RBM47: variants seen among roughly 807,000 people sequenced by gnomAD.
RBM47 encodes RNA-binding protein 47.
RBM47 carries 21 observed loss-of-function variants against 47.1 expected under a neutral mutation model. That is an observed-to-expected ratio of 0.45 (90% CI 0.32 to 0.64). The LOEUF is 0.64. Among genes scored for constraint, RBM47 ranks in the 30% least tolerant of loss-of-function variants. The pLI, the probability that RBM47 is intolerant of heterozygous loss-of-function variation, is 0.05. For missense variants in RBM47, 708 were observed against 870.9 expected (o/e 0.81, Z 2.35); for synonymous variants, 375 against 361.7 (o/e 1.04, Z -0.42).
intron 2 of RBM47, among the ~76,000 whole-genome samples, chr4:40,507,616 G>A (rs959977154): frequency 1.3e-5 from 2 of 151,986 alleles, no homozygotes; most frequent in African/African-American, 2.4e-5. Context: ...GTGAAACCCC[G>A]TCTCTACTAA....
At chr4:40,612,554 T>A (rs1234255956) in intron 1 of RBM47, among the ~76,000 whole-genome samples, 1 of 152,200 alleles carries the variant, frequency 6.6e-6, no homozygotes, top group Non-Finnish European at 1.5e-5. Context: ...ATTCTAAGAA[T>A]GACTTTGTCT....
intron 1 of RBM47, among the ~76,000 whole-genome samples, chr4:40,562,507 C>G (rs1237111445): frequency 6.7e-6 from 1 of 150,096 alleles, no homozygotes; most frequent in Non-Finnish European, 1.5e-5. Flanking sequence ...CTTGTGTCAC[C>G]CAGGCTAGAG....
intron 1 of RBM47, among the ~76,000 whole-genome samples, chr4:40,604,808 C>T (rs375460508): frequency 3.9e-5 from 6 of 152,068 alleles, no homozygotes; most frequent in African/African-American, 7.2e-5. Flanking sequence ...CCTCTGCCTC[C>T]GGGGTTCAAG....
chr4:40,577,969 G>A lies in RBM47; in HGVS notation c.-239-33463C>T, dbSNP rs547545693. Among the ~76,000 whole-genome samples the A allele has an allele frequency of 4.4e-3, 662 of 152,178 alleles. 3 individuals carry two copies. Among genetic ancestry groups the A allele is most frequent in the Middle Eastern group, 6.8e-3 (2 of 294 alleles). On this transcript the variant is annotated intron_variant, in intron 1 of 6. Coordinates refer to ENST00000295971, the MANE Select transcript of RBM47 (RefSeq NM_001098634.2). ...AAGGCCAGCCTAGACAACACAGCAA[G>A]ACCTCTTCTCTTAAAAAAAGAAAAA...
intron 6 of RBM47, chr4:40,427,015 T>C (rs1261239012): frequency 2.0e-5 from 3 of 152,138 alleles, no homozygotes; most frequent in Admixed American, 2.0e-4. Context: ...CCTCAACTCA[T>C]ACTTAACTGA....
chr4:40,432,847 A>G lies in RBM47; in HGVS notation c.1346T>C (p.Ile449Thr), dbSNP rs376009614. The G allele has an allele frequency of 1.3e-4, 214 of 1,613,050 alleles. No individual in the cohort carries two copies. Among genetic ancestry groups the G allele is most frequent in the Middle Eastern group, 3.3e-4 (2 of 6,068 alleles). Residue 449 changes from isoleucine (I) to threonine (T), a missense_variant, in exon 6 of 7, where the codon ATT becomes ACT. Transcript: ENST00000295971. ...TGGAAACATGGAATACTGAGCCCCAATGGCAGGGATGGCTACTGCAAGAGA... is the reference window on the plus strand; with the variant it reads ...TGGAAACATGGAATACTGAGCCCCAGTGGCAGGGATGGCTACTGCAAGAGA... The part of the protein sequence containing the change: ...IKPGTVAIPA[I>T]GAQYSMFPAA...
intron 6 of RBM47, chr4:40,426,758 T>C (rs1195391378): frequency 4.6e-5 from 7 of 152,396 alleles, no homozygotes; most frequent in Non-Finnish European, 1.0e-4. Flanking sequence ...TTTATTGTTG[T>C]ATTGTTATTT....
chr4:40,505,987 C>A (rs278953), intron 2 of RBM47, among the ~76,000 whole-genome samples: 124,295 of 152,154 alleles, frequency 0.82, 51,378 homozygotes, highest in African/African-American at 0.93. Context: ...GTCAATCTTC[C>A]TTGGGGGTTG....
chr4:40,428,805 A>G (rs1715451375), intron 6 of RBM47, among the ~76,000 whole-genome samples: 1 of 152,176 alleles, frequency 6.6e-6, no homozygotes, highest in South Asian at 2.1e-4. Context: ...ATAAGGACAA[A>G]GCATGCAGAG....
intron 1 of RBM47, among the ~76,000 whole-genome samples, chr4:40,555,852 T>A (rs572408590): frequency 6.6e-6 from 1 of 152,052 alleles, no homozygotes; most frequent in Non-Finnish European, 1.5e-5. Context: ...GTGAAGGCAA[T>A]TTGGACCAGC....
At chr4:40,533,566 A>AT (rs1727622443) in intron 2 of RBM47, among the ~76,000 whole-genome samples, 4 of 152,132 alleles carry the variant, frequency 2.6e-5, no homozygotes, top group African/African-American at 9.7e-5. Flanking sequence ...AAAAATACTG[A>AT]TTCCTGGGCT....
chr4:40,582,866 A>G (rs778807827), intron 1 of RBM47, among the ~76,000 whole-genome samples: 3 of 152,086 alleles, frequency 2.0e-5, no homozygotes, highest in Non-Finnish European at 4.4e-5. Context: ...TCTCATTACC[A>G]CCCTTGCCCA....
intron 1 of RBM47, among the ~76,000 whole-genome samples, chr4:40,551,316 A>G (rs1287950963): frequency 6.6e-6 from 1 of 152,190 alleles, no homozygotes; most frequent in African/African-American, 2.4e-5. Flanking sequence ...GCCCTTTAGT[A>G]CATACTTTCA....
At chr4:40,432,629 A>G in intron 6 of RBM47, 22 bp downstream of exon 6, 1 of 1,610,226 alleles carries the variant, frequency 6.2e-7, no homozygotes, top group East Asian at 2.2e-5. Context: ...ACAAATGACA[A>G]TGCCTGCAAT....
At chr4:40,463,969 C>T (rs1251840749) in intron 3 of RBM47, among the ~76,000 whole-genome samples, 1 of 152,030 alleles carries the variant, frequency 6.6e-6, no homozygotes, top group Admixed American at 6.5e-5. Flanking sequence ...ATATCAAGAG[C>T]TTTACAGTGT....
chr4:40,586,952 T>A (rs1024780825), intron 1 of RBM47, among the ~76,000 whole-genome samples: 3 of 152,068 alleles, frequency 2.0e-5, no homozygotes, highest in Admixed American at 2.0e-4. Context: ...CATCACGTGA[T>A]TTCCTCGGGC....
intron 1 of RBM47, among the ~76,000 whole-genome samples, chr4:40,594,526 T>C (rs1412622679): frequency 6.6e-6 from 1 of 152,204 alleles, no homozygotes; most frequent in Non-Finnish European, 1.5e-5. Context: ...CTGCATGACA[T>C]TCAAGGCCTC....
chr4:40,459,604 T>C (rs767152917), intron 3 of RBM47, among the ~76,000 whole-genome samples: 15 of 152,110 alleles, frequency 9.9e-5, no homozygotes, highest in African/African-American at 1.4e-4. Flanking sequence ...AAAAAAACTT[T>C]TGTGGTTTAC....
rs539134093 is a variant in RBM47 at position 40,494,932 on chromosome 4, G to C, written c.-154-28233C>G. Among the ~76,000 whole-genome samples the C allele has an allele frequency of 2.0e-5, 3 of 152,182 alleles. No individual in the cohort carries two copies. In the East Asian group the frequency reaches 5.8e-4, roughly 29 times the overall value. ...AAATATATATGTATAAATATAATCTGATGCATTCATTTGTCGATTGATTCC... is the reference window on the plus strand; with the variant it reads ...AAATATATATGTATAAATATAATCTCATGCATTCATTTGTCGATTGATTCC... On this transcript the variant is annotated intron_variant, in intron 2 of 6. Transcript: ENST00000295971.
Sources: gnomAD v4.1 joint callset for allele counts (sites outside exome capture counted in the v4.1 genomes callset) on GRCh38, gnomAD v4.1.1 for gene constraint, MANE v1.5 for transcripts, NCBI Gene and HGNC (gene_info 2026-07-23, HGNC 2026-07-21) for gene names.